The following GRM4 variants were observed in gnomAD, a reference collection of about 807,000 sequenced individuals.
GRM4 encodes metabotropic glutamate receptor 4.
A neutral mutation model predicts 81.7 loss-of-function variants in GRM4; 28 were observed. The ratio of observed to expected loss-of-function variants is 0.34; its 90% CI spans 0.25 to 0.47. GRM4 has a LOEUF of 0.47. GRM4 is among the 20% of genes least tolerant of loss of function. The pLI is 1.00. For missense variants in GRM4, 948 were observed against 1,290.0 expected (o/e 0.73, Z 4.06); for synonymous variants, 488 against 528.8 (o/e 0.92, Z 1.06).
At chr6:34,056,444 G>T (rs927418534) in intron 6 of GRM4, 100 bp downstream of exon 6, 2 of 1,108,394 alleles carry the variant, frequency 1.8e-6, no homozygotes, top group Non-Finnish European at 2.6e-6. Context: ...ACGGCCGGCC[G>T]ACGACAGACA....
Position 34,078,094 on chromosome 6 carries a change from T to G in GRM4, c.736+13789A>C, listed in dbSNP as rs571979162. ...ACAGATAAGCCTGCCCTCGTGGAGC[T>G]GACATCCATCTATGAAGCCAACAAT... On this transcript the variant is annotated intron_variant, in intron 3 of 10. Transcript: ENST00000538487. This position sits in a 1 kb window ranked among gnomAD's most constrained non-coding sequence, Gnocchi z 4.8. Among the ~76,000 whole-genome samples, 1 of 152,316 alleles carries G rather than the reference T, an allele frequency of 6.6e-6. No homozygotes were observed. Among genetic ancestry groups the G allele is most frequent in the African/African-American group, 2.4e-5 (1 of 41,560 alleles).
chr6:34,118,543 G>A (rs139917556), intron 2 of GRM4, among the ~76,000 whole-genome samples: 43 of 152,298 alleles, frequency 2.8e-4, no homozygotes, highest in Admixed American at 4.6e-4. Flanking sequence ...CGTCCTGACC[G>A]CGTTGTAGGA....
Position 34,061,773 on chromosome 6 carries a change from C to A in GRM4, c.872+120G>T, listed in dbSNP as rs114003379. ...CACATACCCACTCACCAGCACCCAC[C>A]TCTCTGGATCCCAGGGTGGGGTCAG... is the stretch of plus-strand genomic sequence containing the variant. On this transcript the variant is annotated intron_variant, in intron 4 of 10. Coordinates refer to ENST00000538487, the MANE Select transcript of GRM4 (RefSeq NM_000841.4). 1.3e-3 allele frequency: 1,435 copies of A among 1,082,458 alleles called. 15 individuals are homozygous for A. In the African/African-American group the frequency reaches 0.02, roughly 15 times the overall value. The allele number at this position is 1,082,458 out of a possible 1,614,324, so 67.1% of individuals were successfully genotyped here.
At chr6:34,131,924 A>C (rs1770251142) in intron 2 of GRM4, among the ~76,000 whole-genome samples, 1 of 151,350 alleles carries the variant, frequency 6.6e-6, no homozygotes, top group Admixed American at 6.6e-5. Context: ...CCCTCTCCCC[A>C]TTCTCTCCTC....
At chr6:34,110,764 A>C in intron 2 of GRM4, 2 of 1,468,122 alleles carry the variant, frequency 1.4e-6, no homozygotes, top group African/African-American at 1.4e-5. Context: ...CCAGGGCATC[A>C]GAGATCAAAG....
chr6:34,124,208 C>G (rs919668739), intron 2 of GRM4, among the ~76,000 whole-genome samples: 1 of 152,164 alleles, frequency 6.6e-6, no homozygotes, highest in South Asian at 2.1e-4. Context: ...TCAAGGTCCC[C>G]GCTCAGATCA....
At chr6:34,142,540 G>A (rs1770734140) in intron 1 of GRM4, among the ~76,000 whole-genome samples, 1 of 152,184 alleles carries the variant, frequency 6.6e-6, no homozygotes, top group African/African-American at 2.4e-5. Context: ...GCTGCCAGCT[G>A]TCCCCCGCAG....
At chr6:34,145,922 C>T in intron 1 of GRM4, 78 bp downstream of exon 1, 1 of 872,578 alleles carries the variant, frequency 1.1e-6, no homozygotes, top group South Asian at 5.3e-5. Context: ...GCAGCTCCCC[C>T]TTCCACCACA....
At chr6:34,142,826 G>T (rs1344971832) in intron 1 of GRM4, among the ~76,000 whole-genome samples, 1 of 152,214 alleles carries the variant, frequency 6.6e-6, no homozygotes, top group South Asian at 2.1e-4. Context: ...GAGGGAGGAG[G>T]GGGGGAGGAG....
chr6:34,032,562 C>T (rs991205625), intron 9 of GRM4, among the ~76,000 whole-genome samples: 3 of 152,222 alleles, frequency 2.0e-5, no homozygotes, highest in Middle Eastern at 3.2e-3. Context: ...GGTGTATGTC[C>T]CATGTCCTAG....
rs1044497222 is a variant in GRM4, at chr6:34,115,763, C to T, written c.519+17215G>A. Among the ~76,000 whole-genome samples the T allele has an allele frequency of 1.3e-5, 2 of 152,146 alleles. No individual in the cohort carries two copies. Among genetic ancestry groups the T allele is most frequent in the South Asian group, 4.1e-4 (2 of 4,822 alleles). On this transcript the variant is annotated intron_variant, in intron 2 of 10. Coordinates refer to ENST00000538487, the MANE Select transcript of GRM4 (RefSeq NM_000841.4). The surrounding 1 kb of genome is among the most constrained non-coding windows in gnomAD (Gnocchi z 4.1). ...CTGGAGGAGGAGTTCGAGGTTCTCA[C>T]CCCAGCTCTTCAGGCTCCAGGAGAA...
At chr6:34,046,263 T>C (rs1025174242) in intron 6 of GRM4, among the ~76,000 whole-genome samples, 1 of 152,132 alleles carries the variant, frequency 6.6e-6, no homozygotes, top group Non-Finnish European at 1.5e-5. Context: ...CCTTCATGCA[T>C]TTACACATGT....
In GRM4 at chr6:34,101,145, C is replaced by T. The variant is rs1048464496; in HGVS notation, c.520-9046G>A. On this transcript the variant is annotated intron_variant, in intron 2 of 10. Transcript: ENST00000538487. ...CACACTCATCACAGGCTGGTTTGGG[C>T]GGAATTGTATTGAATTAGATTCACA... Among the ~76,000 whole-genome samples the T allele has an allele frequency of 1.1e-4, 16 of 152,294 alleles. No individual in the cohort carries two copies. The South Asian group carries it at 1.2e-3, about 12-fold the overall frequency.
At position 34,047,368 on chromosome 6, in the gene GRM4, G is replaced by T. The variant is rs1266872506; in HGVS notation, c.1169-6620C>A. 6.6e-6 allele frequency among the ~76,000 whole-genome samples: 1 copy of T among 152,088 alleles called. No homozygotes were observed. Among genetic ancestry groups the T allele is most frequent in the African/African-American group, 2.4e-5 (1 of 41,420 alleles). Reference sequence around the variant, plus strand: ...AGACCCAGACCTAGCCCAACATATGGATGGGGTGGAGAAAGCTGCCACTCT... The same window carrying T: ...AGACCCAGACCTAGCCCAACATATGTATGGGGTGGAGAAAGCTGCCACTCT... On this transcript the variant is annotated intron_variant, in intron 6 of 10. Coordinates refer to ENST00000538487, the MANE Select transcript of GRM4 (RefSeq NM_000841.4). The surrounding 1 kb of genome is among the most constrained non-coding windows in gnomAD (Gnocchi z 4.5).
chr6:34,125,115 A>G (rs1769972689), intron 2 of GRM4, among the ~76,000 whole-genome samples: 1 of 152,134 alleles, frequency 6.6e-6, no homozygotes, highest in African/African-American at 2.4e-5. Flanking sequence ...TTGGGACTAC[A>G]GGTGCCCGCC....
At chr6:34,025,885 CAGA>C (rs2127434700) in intron 10 of GRM4, among the ~76,000 whole-genome samples, 1 of 152,278 alleles carries the variant, frequency 6.6e-6, no homozygotes, top group East Asian at 1.9e-4. Flanking sequence ...AAATGCTGGG[CAGA>C]AGGACAGGGC....
At chr6:34,155,556 C>T (rs115641895) in exon 1 of GRM4, 13,976 of 507,196 alleles carry the variant, frequency 0.028, 744 homozygotes, top group African/African-American at 0.16. Flanking sequence ...GACAGGGTCT[C>T]GCCATGTTGC....
chr6:34,140,931 C>G (rs1176919968), intron 1 of GRM4, among the ~76,000 whole-genome samples: 1 of 152,260 alleles, frequency 6.6e-6, no homozygotes, highest in Non-Finnish European at 1.5e-5. Context: ...GGTGGGGAGA[C>G]TTCCATCCCT....
chr6:34,133,672 G>A lies in GRM4; in HGVS notation c.-176C>T. 1 of 1,415,490 alleles carries A rather than the reference G, an allele frequency of 7.1e-7. No individual in the cohort carries two copies. The highest frequency in any genetic ancestry group is 9.2e-7 in the Non-Finnish European group (1 of 1,090,648). The allele number at this position is 1,415,490 out of a possible 1,614,324, so 87.7% of individuals were successfully genotyped here. A position where few individuals can be genotyped will look rare whatever the true frequency, so the allele number is the denominator to read the frequency against. ...CCCACCTCCTTGTCACTCGGGCCAA[G>A]CACAGTTGCCCGCACAGTCCAGGCC... On this transcript the variant is annotated 5_prime_UTR_variant, in exon 2 of 11. Transcript: ENST00000538487. The surrounding 1 kb of genome is among the most constrained non-coding windows in gnomAD (Gnocchi z 6.5).
Sources: gnomAD v4.1 joint callset for allele counts (sites outside exome capture counted in the v4.1 genomes callset) on GRCh38, gnomAD v4.1.1 for gene constraint, Gnocchi (gnomAD v3.1) non-coding constraint, MANE v1.5 for transcripts, NCBI Gene and HGNC (gene_info 2026-07-23, HGNC 2026-07-21) for gene names.